Variants in TMEM182 observed in about 807,000 individuals in gnomAD.
The protein encoded by TMEM182 is transmembrane protein 182.
TMEM182 carries 20 observed loss-of-function variants against 26.8 expected under a neutral mutation model. That is an observed-to-expected ratio of 0.75 (90% confidence interval 0.53 to 1.09). The LOEUF (loss-of-function observed/expected upper bound fraction) is 1.09, where lower values mean the gene tolerates loss of function less well. Ranked by LOEUF, TMEM182 falls within the 50% of genes least tolerant of loss-of-function variation. The pLI is 0.00. For synonymous variants in TMEM182, 109 were observed against 102.2 expected, an observed-to-expected ratio of 1.07 and a Z score of -0.40; for missense variants, 277 against 275.5, an observed-to-expected ratio of 1.01 and a Z score of -0.04.
At chr2:102,768,575 T>A (rs981449191) in intron 3 of TMEM182, among the ~76,000 whole-genome samples, 3 of 150,466 alleles carry the variant, frequency 2.0e-5, no homozygotes, top group Admixed American at 6.6e-5. Flanking sequence ...GTGGTGCACA[T>A]CTGCAATCCC....
intron 3 of TMEM182, among the ~76,000 whole-genome samples, chr2:102,777,744 G>A (rs1406538525): frequency 9.5e-5 from 14 of 148,140 alleles, no homozygotes; most frequent in Admixed American, 8.7e-4. Context: ...TTATTTAAAT[G>A]TCTTTTATTT....
At chr2:102,790,561 C>G (rs1004579443) in intron 3 of TMEM182, among the ~76,000 whole-genome samples, 3 of 152,222 alleles carry the variant, frequency 2.0e-5, no homozygotes, top group African/African-American at 7.2e-5. Flanking sequence ...TGCAGAAGCA[C>G]ACTCATACAG....
At chr2:102,839,939 C>T (rs1683315904) in intron 3 of TMEM182, among the ~76,000 whole-genome samples, 1 of 152,196 alleles carries the variant, frequency 6.6e-6, no homozygotes. Context: ...AAGACATATT[C>T]TCAGGGATGC....
rs780073973 is a variant in TMEM182 at position 102,817,418 on chromosome 2, C to T, written c.*2450C>T. ...GTTATGCTCTTGGACTTGGTGAAAG[C>T]TATCATCTCTCCATATTGTATTTGT... is the stretch of plus-strand genomic sequence containing the variant. On this transcript the variant is annotated 3_prime_UTR_variant, in exon 5 of 5. Coordinates refer to ENST00000412401, the MANE Select transcript of TMEM182 (RefSeq NM_144632.5). The T allele has an allele frequency of 3.0e-5, 30 of 985,384 alleles. No homozygotes were observed. The highest frequency in any genetic ancestry group is 3.5e-5 in the Non-Finnish European group (29 of 829,912). The allele number at this position is 985,384 out of a possible 1,614,324, so 61.0% of individuals were successfully genotyped here. A position where few individuals can be genotyped will look rare whatever the true frequency, so the allele number is the denominator to read the frequency against.
intron 3 of TMEM182, among the ~76,000 whole-genome samples, chr2:102,766,338 G>T (rs996197470): frequency 1.3e-5 from 2 of 152,122 alleles, no homozygotes; most frequent in African/African-American, 4.8e-5. Flanking sequence ...CATTTAATTA[G>T]TGTGTCACTT....
intron 3 of TMEM182, among the ~76,000 whole-genome samples, chr2:102,823,516 G>T (rs970315127): frequency 1.1e-4 from 17 of 151,870 alleles, no homozygotes; most frequent in Admixed American, 6.6e-4. Flanking sequence ...TATTTTTTTA[G>T]TAGAGACGGG....
chr2:102,747,606 T>G (rs1043225090), intron 1 of TMEM182, among the ~76,000 whole-genome samples: 2 of 152,094 alleles, frequency 1.3e-5, no homozygotes, highest in Admixed American at 1.3e-4. Flanking sequence ...CCATGTTTAG[T>G]TGAGATGCCA....
chr2:102,806,854 A>T (rs117313010), intron 4 of TMEM182, among the ~76,000 whole-genome samples: 2 of 152,314 alleles, frequency 1.3e-5, no homozygotes, highest in South Asian at 4.1e-4. Flanking sequence ...GTTACTCAAT[A>T]AAGTGTAAAG....
chr2:102,760,888 C>T (rs892745164), upstream of TMEM182, among the ~76,000 whole-genome samples: 13 of 152,106 alleles, frequency 8.5e-5, no homozygotes, highest in African/African-American at 2.2e-4. Context: ...TGAGCCACCG[C>T]GCCTGGCCTT....
chr2:102,817,881 A>G (rs553320196), downstream of TMEM182, among the ~76,000 whole-genome samples: 4 of 152,270 alleles, frequency 2.6e-5, no homozygotes, highest in East Asian at 5.8e-4. Context: ...ACAGCAATCT[A>G]TTATTGTTGT....
At chr2:102,745,822 G>A (rs1206124589) in intron 1 of TMEM182, among the ~76,000 whole-genome samples, 1 of 152,100 alleles carries the variant, frequency 6.6e-6, no homozygotes, top group Non-Finnish European at 1.5e-5. Flanking sequence ...TTCCACTTAT[G>A]GATATACCAC....
At chr2:102,801,566 G>A (rs755387126) in intron 4 of TMEM182, among the ~76,000 whole-genome samples, 31 of 152,254 alleles carry the variant, frequency 2.0e-4, no homozygotes, top group Admixed American at 5.2e-4. Flanking sequence ...TCTCATAACC[G>A]TTGCTATGGT....
intron 1 of TMEM182, among the ~76,000 whole-genome samples, chr2:102,747,169 A>G (rs1679724836): frequency 6.6e-6 from 1 of 152,132 alleles, no homozygotes; most frequent in Non-Finnish European, 1.5e-5. Context: ...ATTTTGTTGA[A>G]AGCTTAACAT....
intron 4 of TMEM182, among the ~76,000 whole-genome samples, chr2:102,811,157 A>G (rs905699751): frequency 7.9e-5 from 12 of 151,098 alleles, no homozygotes; most frequent in Non-Finnish European, 1.8e-4. Flanking sequence ...TTTGTGCTTC[A>G]TAACCTTGAC....
At chr2:102,780,652 C>A (rs571772966) in intron 3 of TMEM182, among the ~76,000 whole-genome samples, 19 of 152,250 alleles carry the variant, frequency 1.2e-4, no homozygotes, top group African/African-American at 4.3e-4. Flanking sequence ...CTCATGACCA[C>A]CCTGCAGGGA....
Position 102,784,809 on chromosome 2 carries a change from G to T in TMEM182, c.332-13054G>T, listed in dbSNP as rs139460120. ...TTAAACTGTCATGGTGCTGGTGGGA[G>T]TGTAGCAGCGAGGACAACCAGAGGT... On this transcript the variant is annotated intron_variant, in intron 3 of 4. Coordinates refer to ENST00000412401, the MANE Select transcript of TMEM182 (RefSeq NM_144632.5). Among the ~76,000 whole-genome samples the T allele has an allele frequency of 1.6e-4, 24 of 152,326 alleles. No homozygotes were observed. The East Asian group carries it at 2.9e-3, about 18-fold the overall frequency.
intron 3 of TMEM182, among the ~76,000 whole-genome samples, chr2:102,788,902 C>T (rs537595367): frequency 6.6e-6 from 1 of 152,144 alleles, no homozygotes; most frequent in Non-Finnish European, 1.5e-5. Flanking sequence ...GGCATGTTCA[C>T]GATTGTGGGG....
chr2:102,783,969 A>C, intron 3 of TMEM182, among the ~76,000 whole-genome samples: 1 of 143,706 alleles, frequency 7.0e-6, no homozygotes, highest in East Asian at 1.9e-4. Flanking sequence ...CGAGACACTC[A>C]TCTTACCCTG....
intron 1 of TMEM182, among the ~76,000 whole-genome samples, chr2:102,749,862 T>G (rs1420978992): frequency 2.6e-5 from 4 of 152,024 alleles, no homozygotes; most frequent in Non-Finnish European, 5.9e-5. Context: ...GCTTCCATCC[T>G]GTACAAAAAA....
Sources: allele counts gnomAD v4.1 joint callset (sites outside exome capture counted in the v4.1 genomes callset), GRCh38; gene constraint gnomAD v4.1.1; transcripts MANE v1.5; gene names NCBI Gene and HGNC (gene_info 2026-07-23, HGNC 2026-07-21).